The following RGS17 variants were observed in gnomAD, a reference collection of about 807,000 sequenced individuals.
The protein encoded by RGS17 is regulator of G protein signaling 17, also known as regulator of G-protein signaling 17.
In RGS17, 12 loss-of-function variants were observed where a neutral mutation model predicts 25.5. That is an observed-to-expected ratio of 0.47 (90% CI 0.30 to 0.76). The LOEUF (loss-of-function observed/expected upper bound fraction) is 0.76. Among genes scored for constraint, RGS17 ranks in the 30% least tolerant of loss-of-function variants. RGS17 has a pLI of 0.07. For missense variants in RGS17, 196 were observed against 242.2 expected, an observed-to-expected ratio of 0.81 and a Z score of 1.27; for synonymous variants, 71 against 76.9, an observed-to-expected ratio of 0.92 and a Z score of 0.40.
intron 1 of RGS17, among the ~76,000 whole-genome samples, chr6:153,091,441 C>A (rs1048109551): frequency 1.3e-5 from 2 of 151,646 alleles, no homozygotes; most frequent in African/African-American, 4.8e-5. Flanking sequence ...ACATATTATG[C>A]AAAGATATGA....
intron 2 of RGS17, among the ~76,000 whole-genome samples, chr6:153,039,562 T>G (rs908348105): frequency 6.6e-6 from 1 of 152,202 alleles, no homozygotes. Flanking sequence ...CTGTTTTGCT[T>G]GATGGGACAC....
At chr6:153,044,176 G>A in intron 1 of RGS17, 133 bp from the exon 2 acceptor site, 1 of 598,488 alleles carries the variant, frequency 1.7e-6, no homozygotes. Context: ...AAACTTGAGA[G>A]GCCAAACTAA....
At chr6:153,067,072 A>G (rs1046136624) in intron 1 of RGS17, among the ~76,000 whole-genome samples, 1 of 152,038 alleles carries the variant, frequency 6.6e-6, no homozygotes, top group East Asian at 1.9e-4. Flanking sequence ...GAACATGTCA[A>G]TTGATGCTGA....
rs768606803 is a variant in RGS17 at position 153,127,652 on chromosome 6, G to A, written c.-26+3472C>T. 3.3e-5 allele frequency among the ~76,000 whole-genome samples: 5 copies of A among 152,140 alleles called. No individual in the cohort carries two copies. In the East Asian group the frequency reaches 9.6e-4, roughly 29 times the overall value. Reference sequence around the variant, plus strand: ...CTATAGGTAATTTTGTATCGTAGGGGATCTAAGATAAGCAAATATAGAGCT... The same window carrying A: ...CTATAGGTAATTTTGTATCGTAGGGAATCTAAGATAAGCAAATATAGAGCT... On this transcript the variant is annotated intron_variant, in intron 1 of 4. Transcript: ENST00000206262.
intron 1 of RGS17, among the ~76,000 whole-genome samples, chr6:153,091,710 T>C (rs1307269647): frequency 6.6e-6 from 1 of 152,076 alleles, no homozygotes; most frequent in African/African-American, 2.4e-5. Flanking sequence ...ACGGGGTTTC[T>C]CCATGTTACC....
At chr6:153,013,908 A>T (rs1282678829) in intron 4 of RGS17, among the ~76,000 whole-genome samples, 1 of 151,360 alleles carries the variant, frequency 6.6e-6, no homozygotes, top group African/African-American at 2.4e-5. Context: ...ATAACATAAA[A>T]GTTCAAGGTG....
chr6:153,027,379 G>T (rs1195175311), intron 2 of RGS17, among the ~76,000 whole-genome samples: 1 of 152,078 alleles, frequency 6.6e-6, no homozygotes, highest in Non-Finnish European at 1.5e-5. Context: ...GAAACAACAG[G>T]TGAGGTCATG....
intron 4 of RGS17, among the ~76,000 whole-genome samples, chr6:153,015,932 T>C (rs944557577): frequency 1.8e-4 from 28 of 152,188 alleles, no homozygotes; most frequent in East Asian, 7.8e-4. Context: ...GGATTACAGG[T>C]GTGAGCCACC....
intron 1 of RGS17, among the ~76,000 whole-genome samples, chr6:153,108,505 T>C (rs1777417931): frequency 6.6e-6 from 1 of 151,804 alleles, no homozygotes; most frequent in African/African-American, 2.4e-5. Flanking sequence ...AAAAATAAGC[T>C]CACTTCTCCC....
At chr6:153,085,255 G>T (rs561102363) in intron 1 of RGS17, among the ~76,000 whole-genome samples, 3 of 152,114 alleles carry the variant, frequency 2.0e-5, no homozygotes, top group African/African-American at 7.2e-5. Flanking sequence ...TATAACTAAC[G>T]TAAATGTAAT....
At chr6:153,085,692 G>A (rs1034138582) in intron 1 of RGS17, among the ~76,000 whole-genome samples, 2 of 152,122 alleles carry the variant, frequency 1.3e-5, no homozygotes, top group African/African-American at 2.4e-5. Flanking sequence ...GATTCTCTCC[G>A]TAACGATGAA....
chr6:153,076,796 T>G (rs1776886392), intron 1 of RGS17, among the ~76,000 whole-genome samples: 1 of 152,164 alleles, frequency 6.6e-6, no homozygotes. Context: ...AATAGGGGAA[T>G]ACAAGGCTTC....
chr6:153,063,595 T>C (rs933437956), intron 1 of RGS17, among the ~76,000 whole-genome samples: 2 of 151,792 alleles, frequency 1.3e-5, no homozygotes, highest in Non-Finnish European at 2.9e-5. Context: ...ATCTAGAAAA[T>C]AGACTCAACA....
intron 1 of RGS17, among the ~76,000 whole-genome samples, chr6:153,118,491 T>C (rs1041891439): frequency 2.6e-5 from 4 of 152,322 alleles, no homozygotes; most frequent in African/African-American, 2.4e-5. Context: ...CGTTAACCAA[T>C]GAATTATAGG....
At chr6:153,087,308 G>C (rs2129120760) in intron 1 of RGS17, among the ~76,000 whole-genome samples, 1 of 152,276 alleles carries the variant, frequency 6.6e-6, no homozygotes, top group African/African-American at 2.4e-5. Flanking sequence ...CTAAAAATGT[G>C]TACTGGAGAT....
chr6:153,020,111 A>AAAATATAT (rs1426592195), intron 4 of RGS17, among the ~76,000 whole-genome samples: 63 of 58,414 alleles, frequency 1.1e-3, no homozygotes, highest in Non-Finnish European at 1.6e-3. Context: ...AAAAAAAAAA[A>AAAATATAT]ATATATATAT....
At chr6:153,014,797 C>CAAA (rs34132794) in intron 4 of RGS17, among the ~76,000 whole-genome samples, 1 of 97,166 alleles carries the variant, frequency 1.0e-5, no homozygotes. Flanking sequence ...GACTCCGTCT[C>CAAA]AAAAAAAAAA....
intron 1 of RGS17, among the ~76,000 whole-genome samples, chr6:153,052,300 C>T (rs1241579152): frequency 6.6e-6 from 1 of 152,058 alleles, no homozygotes; most frequent in Non-Finnish European, 1.5e-5. Flanking sequence ...GCATCAAGCA[C>T]CAGAGGATTA....
chr6:153,020,562 G>A (rs1283127217), intron 4 of RGS17, among the ~76,000 whole-genome samples: 1 of 151,948 alleles, frequency 6.6e-6, no homozygotes, highest in Non-Finnish European at 1.5e-5. Flanking sequence ...GTTTCATTAG[G>A]GGAAAAAGTT....
Sources: gnomAD v4.1 joint callset for allele counts (sites outside exome capture counted in the v4.1 genomes callset) on GRCh38, gnomAD v4.1.1 for gene constraint, MANE v1.5 for transcripts, NCBI Gene and HGNC (gene_info 2026-07-23, HGNC 2026-07-21) for gene names.